Variants in ALCAM observed in about 807,000 individuals in gnomAD.
The protein encoded by ALCAM is CD166 antigen.
ALCAM carries 30 observed loss-of-function variants against 70.9 expected under a neutral mutation model. That is an observed-to-expected ratio of 0.42 (90% CI 0.32 to 0.57). The LOEUF (loss-of-function observed/expected upper bound fraction) is 0.57, where lower values mean the gene tolerates loss of function less well. ALCAM is among the 20% of genes least tolerant of loss of function. The pLI is 0.11. For missense variants in ALCAM, 591 were observed against 695.1 expected (o/e 0.85, Z 1.68); for synonymous variants, 249 against 242.5 (o/e 1.03, Z -0.25).
intron 1 of ALCAM, among the ~76,000 whole-genome samples, chr3:105,411,227 C>G (rs116340594): frequency 0.029 from 4,361 of 152,126 alleles, 170 homozygotes; most frequent in African/African-American, 0.084. Context: ...TGTTAGAGAT[C>G]ATTTGATCAG....
chr3:105,417,919 C>G (rs1387193012), intron 1 of ALCAM, among the ~76,000 whole-genome samples: 1 of 150,806 alleles, frequency 6.6e-6, no homozygotes, highest in African/African-American at 2.4e-5. Flanking sequence ...GACTTACTGC[C>G]CCTTTTTTTC....
chr3:105,562,988 T>G (rs1018935984), intron 14 of ALCAM, among the ~76,000 whole-genome samples: 2 of 152,126 alleles, frequency 1.3e-5, no homozygotes, highest in African/African-American at 4.8e-5. Context: ...GTATTTTTAG[T>G]AGAGACGGGG....
intron 1 of ALCAM, among the ~76,000 whole-genome samples, chr3:105,401,237 T>C (rs781184118): frequency 6.6e-6 from 1 of 152,190 alleles, no homozygotes; most frequent in Non-Finnish European, 1.5e-5. Flanking sequence ...TAAATGTAAG[T>C]AGACAATAAA....
intron 1 of ALCAM, among the ~76,000 whole-genome samples, chr3:105,387,964 G>T (rs1935699854): frequency 1.3e-5 from 2 of 151,316 alleles, no homozygotes; most frequent in Non-Finnish European, 3.0e-5. Flanking sequence ...GTTCTCATCA[G>T]TATCCATAAT....
chr3:105,387,609 A>G (rs541877718), intron 1 of ALCAM, among the ~76,000 whole-genome samples: 1 of 151,666 alleles, frequency 6.6e-6, no homozygotes, highest in Non-Finnish European at 1.5e-5. Flanking sequence ...AATATTTAGT[A>G]TTGAGTGTTG....
intron 1 of ALCAM, among the ~76,000 whole-genome samples, chr3:105,502,646 A>G (rs1938956776): frequency 1.3e-5 from 2 of 152,386 alleles, no homozygotes; most frequent in South Asian, 4.1e-4. Context: ...GCTATCTCTC[A>G]GTTACCAATA....
At chr3:105,393,315 A>T (rs1347275300) in intron 1 of ALCAM, among the ~76,000 whole-genome samples, 3 of 151,868 alleles carry the variant, frequency 2.0e-5, no homozygotes, top group African/African-American at 7.2e-5. Context: ...TACTAAAAAA[A>T]AAATCACCCA....
At chr3:105,553,807 T>A (rs1426694352) in intron 14 of ALCAM, among the ~76,000 whole-genome samples, 1 of 151,976 alleles carries the variant, frequency 6.6e-6, no homozygotes, top group Non-Finnish European at 1.5e-5. Context: ...TGCCTAAGGT[T>A]ACATAGTTTG....
At chr3:105,471,736 A>C (rs1937936483) in intron 1 of ALCAM, among the ~76,000 whole-genome samples, 1 of 151,252 alleles carries the variant, frequency 6.6e-6, no homozygotes, top group Non-Finnish European at 1.5e-5. Context: ...ATGCATTGTG[A>C]AATGGTTAAA....
At chr3:105,444,406 A>C (rs1273290503) in intron 1 of ALCAM, among the ~76,000 whole-genome samples, 2 of 152,132 alleles carry the variant, frequency 1.3e-5, no homozygotes, top group Non-Finnish European at 2.9e-5. Context: ...AGATGTCATG[A>C]CAACTCTCTC....
intron 1 of ALCAM, among the ~76,000 whole-genome samples, chr3:105,377,737 A>AAACTGTATAATTAT (rs1303865395): frequency 6.6e-6 from 1 of 152,064 alleles, no homozygotes; most frequent in Admixed American, 6.6e-5. Flanking sequence ...TTTAGAACAT[A>AAACTGTATAATTAT]AACTGTATAA....
At chr3:105,394,355 A>G (rs530011887) in intron 1 of ALCAM, among the ~76,000 whole-genome samples, 82 of 152,074 alleles carry the variant, frequency 5.4e-4, no homozygotes, top group African/African-American at 1.9e-3. Flanking sequence ...AAGCATAGGC[A>G]TGTTGAGGTA....
At chr3:105,440,042 A>C (rs1937137701) in intron 1 of ALCAM, among the ~76,000 whole-genome samples, 2 of 152,374 alleles carry the variant, frequency 1.3e-5, no homozygotes, top group South Asian at 4.1e-4. Context: ...GAAAAATCTC[A>C]CACGCCATCC....
chr3:105,421,275 A>G (rs1034847951), intron 1 of ALCAM, among the ~76,000 whole-genome samples: 1 of 151,502 alleles, frequency 6.6e-6, no homozygotes, highest in African/African-American at 2.4e-5. Context: ...TAAGAGGGAA[A>G]CATATAGAAA....
chr3:105,537,451 T>A (rs1400018474), intron 6 of ALCAM, among the ~76,000 whole-genome samples: 1 of 152,112 alleles, frequency 6.6e-6, no homozygotes, highest in Non-Finnish European at 1.5e-5. Context: ...GCTCTCAGAT[T>A]AATATCCTTC....
At chr3:105,392,294 T>G (rs895821515) in intron 1 of ALCAM, among the ~76,000 whole-genome samples, 2 of 151,950 alleles carry the variant, frequency 1.3e-5, no homozygotes, top group Non-Finnish European at 2.9e-5. Context: ...CCTGGTTTAG[T>G]CTTGGGGTGG....
At chr3:105,568,035 TA>T (rs1349265636) in intron 14 of ALCAM, among the ~76,000 whole-genome samples, 3 of 147,844 alleles carry the variant, frequency 2.0e-5, no homozygotes, top group East Asian at 2.0e-4. Flanking sequence ...TCTTTTATTT[TA>T]TTTTTTTTAT....
At chr3:105,435,080 A>G (rs1187928655) in intron 1 of ALCAM, among the ~76,000 whole-genome samples, 2 of 152,220 alleles carry the variant, frequency 1.3e-5, no homozygotes, top group African/African-American at 2.4e-5. Context: ...CTTCAACTGT[A>G]AAACAAGGGC....
chr3:105,370,848 C>A (rs968742364), intron 1 of ALCAM, among the ~76,000 whole-genome samples: 6 of 152,058 alleles, frequency 3.9e-5, no homozygotes, highest in Non-Finnish European at 5.9e-5. Context: ...ATCTCTCCTG[C>A]AAACCTGTTC....
Sources: gnomAD v4.1 joint callset for allele counts (sites outside exome capture counted in the v4.1 genomes callset) on GRCh38, gnomAD v4.1.1 for gene constraint, MANE v1.5 for transcripts, NCBI Gene and HGNC (gene_info 2026-07-23, HGNC 2026-07-21) for gene names.